The following PPARGC1A variants were observed in gnomAD, a reference collection of about 807,000 sequenced individuals.
The protein encoded by PPARGC1A is PPARG coactivator 1 alpha.
Under a neutral mutation model 88.7 loss-of-function variants are expected in PPARGC1A, and 25 were observed. The ratio of observed to expected loss-of-function variants is 0.28; its 90% CI spans 0.21 to 0.39. The LOEUF is 0.39. Ranked by LOEUF, PPARGC1A falls within the 10% of genes least tolerant of loss-of-function variation. The pLI is 1.00. For missense variants in PPARGC1A, 880 were observed against 968.7 expected, an observed-to-expected ratio of 0.91 and a Z score of 1.22; for synonymous variants, 363 against 355.6, an observed-to-expected ratio of 1.02 and a Z score of -0.24.
the PPARGC1A span, among the ~76,000 whole-genome samples, chr4:24,351,342 AG>A: frequency 6.6e-6 from 1 of 150,842 alleles, no homozygotes; most frequent in Admixed American, 6.6e-5. Context: ...GGCTGCAGTG[AG>A]CTGTGATCAC....
At chr4:24,195,073 T>C in the PPARGC1A span, among the ~76,000 whole-genome samples, 2 of 152,224 alleles carry the variant, frequency 1.3e-5, no homozygotes, top group East Asian at 3.9e-4. Flanking sequence ...GGTATGATTA[T>C]GGATATAGAT....
At chr4:23,820,396 T>C (rs1372691013) in intron 7 of PPARGC1A, 2 of 195,868 alleles carry the variant, frequency 1.0e-5, no homozygotes, top group East Asian at 1.4e-4. Context: ...AAACTATATA[T>C]ACATATACAT....
chr4:24,236,272 C>A, the PPARGC1A span, among the ~76,000 whole-genome samples: 2 of 151,992 alleles, frequency 1.3e-5, no homozygotes, highest in Non-Finnish European at 2.9e-5. Flanking sequence ...TATCTAAGGA[C>A]AAAAAACACT....
chr4:24,112,410 G>A, the PPARGC1A span, among the ~76,000 whole-genome samples: 1 of 152,096 alleles, frequency 6.6e-6, no homozygotes, highest in African/African-American at 2.4e-5. Flanking sequence ...AAAACACCAT[G>A]TACACCCTAA....
the PPARGC1A span, among the ~76,000 whole-genome samples, chr4:24,339,216 A>G: frequency 0.07 from 2,922 of 41,806 alleles, 45 homozygotes; most frequent in African/African-American, 0.081. Flanking sequence ...GTGTGTGTAT[A>G]TATATATATA....
chr4:23,811,869 C>T lies in PPARGC1A; in HGVS notation c.2019+878G>A, dbSNP rs546537916. ...TGTCAATTACCCAGTTAGATGACGA[C>T]CATCACGCAGAAGAAATGACTTTTT... On this transcript the variant is annotated intron_variant, in intron 10 of 12. Transcript: ENST00000264867. Among the ~76,000 whole-genome samples, 53 of 144,844 alleles carry T rather than the reference C, an allele frequency of 3.7e-4. No homozygotes were observed. The South Asian group carries it at 0.011, about 31-fold the overall frequency.
chr4:23,856,430 C>G (rs961109129), intron 2 of PPARGC1A, among the ~76,000 whole-genome samples: 1 of 152,128 alleles, frequency 6.6e-6, no homozygotes, highest in Non-Finnish European at 1.5e-5. Context: ...GAGAGAGGCC[C>G]GGGCCATGCT....
the PPARGC1A span, among the ~76,000 whole-genome samples, chr4:24,468,318 GA>G: frequency 1.3e-5 from 2 of 152,194 alleles, no homozygotes; most frequent in South Asian, 4.1e-4. Flanking sequence ...GTAAATTAAA[GA>G]ATGGTCTGCT....
the PPARGC1A span, among the ~76,000 whole-genome samples, chr4:24,217,807 AAAT>A: frequency 6.6e-6 from 1 of 152,058 alleles, no homozygotes; most frequent in Non-Finnish European, 1.5e-5. Context: ...CATCATGAAA[AAAT>A]AATAATAATA....
At chr4:23,947,629 C>G in the PPARGC1A span, among the ~76,000 whole-genome samples, 38 of 151,832 alleles carry the variant, frequency 2.5e-4, no homozygotes, top group Non-Finnish European at 4.3e-4. Flanking sequence ...AACCAATAGC[C>G]ACTAAATCAA....
the PPARGC1A span, among the ~76,000 whole-genome samples, chr4:24,041,667 C>A: frequency 0.47 from 71,830 of 151,730 alleles, 18,308 homozygotes; most frequent in Non-Finnish European, 0.59. Context: ...ATATAGAGAT[C>A]ATTCTCTGCA....
At chr4:23,878,824 A>G (rs1055542776) in intron 2 of PPARGC1A, among the ~76,000 whole-genome samples, 30 of 152,344 alleles carry the variant, frequency 2.0e-4, no homozygotes, top group African/African-American at 7.2e-4. Flanking sequence ...CAGAATTTGG[A>G]ATTTTGTGGT....
At chr4:24,182,463 T>C in the PPARGC1A span, among the ~76,000 whole-genome samples, 2 of 152,234 alleles carry the variant, frequency 1.3e-5, no homozygotes, top group Admixed American at 1.3e-4. Flanking sequence ...AACATACGTG[T>C]GCATGTGTCT....
chr4:23,894,352 G>C (rs1477173694), upstream of PPARGC1A, among the ~76,000 whole-genome samples: 3 of 151,746 alleles, frequency 2.0e-5, no homozygotes, highest in Admixed American at 6.6e-5. Context: ...CATGCTTTGG[G>C]CCTCTGGTTA....
chr4:23,997,497 CTTTT>C, the PPARGC1A span, among the ~76,000 whole-genome samples: 2 of 96,954 alleles, frequency 2.1e-5, no homozygotes, highest in Non-Finnish European at 3.9e-5. Flanking sequence ...CAAGAAAGCC[CTTTT>C]TTTTTTTTTT....
At chr4:24,045,057 GAC>G in the PPARGC1A span, among the ~76,000 whole-genome samples, 1 of 152,084 alleles carries the variant, frequency 6.6e-6, no homozygotes, top group Non-Finnish European at 1.5e-5. Flanking sequence ...GGTACATGAT[GAC>G]TCAGCAAGAG....
At chr4:23,895,980 G>A (rs1410117534) in intron 1 of PPARGC1A, among the ~76,000 whole-genome samples, 224 of 19,894 alleles carry the variant, frequency 0.011, no homozygotes, top group South Asian at 0.026. Context: ...GTGTGTGTGT[G>A]TATATATATA....
At chr4:24,157,186 C>T in the PPARGC1A span, among the ~76,000 whole-genome samples, 1 of 152,142 alleles carries the variant, frequency 6.6e-6, no homozygotes, top group Non-Finnish European at 1.5e-5. Flanking sequence ...ATGGCAGATC[C>T]TCTGATCATC....
chr4:24,062,471 A>T, the PPARGC1A span, among the ~76,000 whole-genome samples: 3 of 152,186 alleles, frequency 2.0e-5, no homozygotes, highest in African/African-American at 7.2e-5. Context: ...AACATGAATC[A>T]TCTCTTCCAC....
Sources: allele counts gnomAD v4.1 joint callset (sites outside exome capture counted in the v4.1 genomes callset), GRCh38; gene constraint gnomAD v4.1.1; transcripts MANE v1.5; gene names NCBI Gene and HGNC (gene_info 2026-07-23, HGNC 2026-07-21).